The following DCAF12 variants were observed in gnomAD, a reference collection of about 807,000 sequenced individuals.
DCAF12 encodes DDB1- and CUL4-associated factor 12.
In DCAF12, 28 loss-of-function variants were observed where a neutral mutation model predicts 52.8. The ratio of observed to expected loss-of-function variants is 0.53; its 90% CI spans 0.39 to 0.73. The LOEUF is 0.73. Among genes scored for constraint, DCAF12 ranks in the 30% least tolerant of loss-of-function variants. The pLI is 0.00. For missense variants in DCAF12, 425 were observed against 552.2 expected (o/e 0.77, Z 2.31); for synonymous variants, 196 against 215.5 (o/e 0.91, Z 0.79).
intron 1 of DCAF12, 46 bp from the exon 2 acceptor site, chr9:34,125,323 A>G (rs1338674005): frequency 6.2e-7 from 1 of 1,601,170 alleles, no homozygotes; most frequent in Non-Finnish European, 8.5e-7. Context: ...ACTCTTCTTC[A>G]GAACAGATCC....
intron 6 of DCAF12, among the ~76,000 whole-genome samples, chr9:34,094,731 C>T (rs1361735815): frequency 4.0e-5 from 6 of 151,756 alleles, no homozygotes; most frequent in Non-Finnish European, 7.4e-5. Context: ...GGGGTTTCAC[C>T]ATGTTAGCCA....
At chr9:34,093,858 G>GA in intron 6 of DCAF12, 1 of 178,654 alleles carries the variant, frequency 5.6e-6, no homozygotes, top group Admixed American at 5.5e-5. Flanking sequence ...GCTGATCTCT[G>GA]GCTACCCCCA....
At chr9:34,106,580 A>T (rs1269106575) in intron 3 of DCAF12, 86 bp from the exon 4 acceptor site, 1 of 1,091,456 alleles carries the variant, frequency 9.2e-7, no homozygotes. Flanking sequence ...AAAGAAGCAT[A>T]CAAGTCAGAC....
chr9:34,105,889 C>T (rs1186195466), intron 4 of DCAF12, among the ~76,000 whole-genome samples: 1 of 151,602 alleles, frequency 6.6e-6, no homozygotes, highest in Non-Finnish European at 1.5e-5. Flanking sequence ...GCTGGGACTA[C>T]AAGCGCCCAC....
chr9:34,117,407 G>A (rs528969738), intron 2 of DCAF12, among the ~76,000 whole-genome samples: 10 of 151,894 alleles, frequency 6.6e-5, no homozygotes, highest in African/African-American at 2.4e-4. Context: ...GCCTCGGCCG[G>A]CCAAAGTGCT....
At chr9:34,113,484 T>C (rs1237038537) in intron 2 of DCAF12, among the ~76,000 whole-genome samples, 1 of 151,988 alleles carries the variant, frequency 6.6e-6, no homozygotes, top group Non-Finnish European at 1.5e-5. Context: ...GGATGGCAGG[T>C]GCACACCACT....
intron 2 of DCAF12, among the ~76,000 whole-genome samples, chr9:34,111,290 ACT>A (rs1397735779): frequency 6.6e-6 from 1 of 151,582 alleles, no homozygotes; most frequent in African/African-American, 2.4e-5. Flanking sequence ...AGCCTCTCCT[ACT>A]CTTTTACCTG....
At chr9:34,093,948 A>C (rs1264942476) in intron 6 of DCAF12, among the ~76,000 whole-genome samples, 3 of 152,208 alleles carry the variant, frequency 2.0e-5, no homozygotes, top group East Asian at 1.9e-4. Context: ...GATAACCCAC[A>C]TCAGCCTTAA....
intron 2 of DCAF12, among the ~76,000 whole-genome samples, chr9:34,112,031 T>G: frequency 6.6e-6 from 1 of 150,822 alleles, no homozygotes; most frequent in African/African-American, 2.4e-5. Context: ...TAATCCCAGC[T>G]ACTCGGGAGG....
chr9:34,093,421 G>A lies in DCAF12; in HGVS notation c.889C>T (p.Arg297Cys), dbSNP rs200315757. The change falls in exon 7 of 9, where the codon CGT becomes TGT. Residue 297 changes from arginine to cysteine, a missense_variant. Physicochemically the swap from Arg to Cys is radical, Grantham distance 180 (BLOSUM62 -3). Transcript: ENST00000361264. ...KLLSTKLPYC[R>C]ENVCLAYGSE... ...CCATAAGCCAGACACACATTCTCAC[G>A]GCAATATGGCAGTTTGGTGGAGAGG... 2.8e-5 allele frequency: 45 copies of A among 1,613,974 alleles called. No homozygotes were observed. The highest frequency in any genetic ancestry group is 3.5e-5 in the Non-Finnish European group (41 of 1,180,022).
intron 6 of DCAF12, among the ~76,000 whole-genome samples, chr9:34,095,288 T>G (rs527324715): frequency 2.1e-4 from 32 of 151,652 alleles, no homozygotes; most frequent in African/African-American, 7.0e-4. Flanking sequence ...TTGGCCAGCA[T>G]GGTCTCAATC....
chr9:34,104,502 GTC>G, intron 4 of DCAF12, among the ~76,000 whole-genome samples: 1 of 152,276 alleles, frequency 6.6e-6, no homozygotes, highest in East Asian at 1.9e-4. Context: ...ATACTAGAAA[GTC>G]TCTCAAAGAT....
chr9:34,089,706 G>A lies in DCAF12; in HGVS notation c.1025-116C>T, dbSNP rs994908627. The A allele has an allele frequency of 1.8e-4, 172 of 968,486 alleles. 1 individual carries two copies. The highest frequency in any genetic ancestry group is 5.2e-4 in the Middle Eastern group (2 of 3,864). The allele number at this position is 968,486 out of a possible 1,614,324, so 60.0% of individuals were successfully genotyped here. A position where few individuals can be genotyped will look rare whatever the true frequency, so the allele number is the denominator to read the frequency against. The stretch of plus-strand genomic sequence containing the variant: ...ACGTCCACCCTGCTCCCCTCCACCC[G>A]CCCCACAAAGTATCAGACAGTGTTT... On this transcript the variant is annotated intron_variant, in intron 7 of 8. Coordinates refer to ENST00000361264, the MANE Select transcript of DCAF12 (RefSeq NM_015397.4).
At chr9:34,123,334 A>C (rs934500995) in intron 2 of DCAF12, among the ~76,000 whole-genome samples, 1 of 152,234 alleles carries the variant, frequency 6.6e-6, no homozygotes, top group Non-Finnish European at 1.5e-5. Flanking sequence ...TACCGCTACT[A>C]GTACTTTTAA....
intron 2 of DCAF12, among the ~76,000 whole-genome samples, chr9:34,113,449 C>T (rs947280842): frequency 1.3e-5 from 2 of 152,014 alleles, no homozygotes; most frequent in South Asian, 2.1e-4. Flanking sequence ...AAGTGATTCT[C>T]GTGCCTCAGC....
At chr9:34,103,164 C>A (rs895600866) in intron 4 of DCAF12, among the ~76,000 whole-genome samples, 1 of 147,888 alleles carries the variant, frequency 6.8e-6, no homozygotes, top group Non-Finnish European at 1.5e-5. Context: ...GTAATCCCGG[C>A]ACTTTAGGAG....
chr9:34,100,893 C>T (rs1178433508), intron 4 of DCAF12, among the ~76,000 whole-genome samples: 1 of 151,688 alleles, frequency 6.6e-6, no homozygotes, highest in Non-Finnish European at 1.5e-5. Flanking sequence ...CATACCTCAG[C>T]CTCTCAAAGT....
At chr9:34,121,031 G>A (rs116863861) in intron 2 of DCAF12, among the ~76,000 whole-genome samples, 5,746 of 152,074 alleles carry the variant, frequency 0.038, 137 homozygotes, top group South Asian at 0.07. Context: ...GCATGTGCCC[G>A]TACTCCCAGC....
At chr9:34,116,124 G>T (rs1829084682) in intron 2 of DCAF12, among the ~76,000 whole-genome samples, 1 of 151,872 alleles carries the variant, frequency 6.6e-6, no homozygotes, top group Non-Finnish European at 1.5e-5. Context: ...AGCACTTTGG[G>T]AGGTGGGCAG....
Sources: gnomAD v4.1 joint callset for allele counts (sites outside exome capture counted in the v4.1 genomes callset) on GRCh38, gnomAD v4.1.1 for gene constraint, MANE v1.5 for transcripts, NCBI Gene and HGNC (gene_info 2026-07-23, HGNC 2026-07-21) for gene names.